Variants in KIF6 observed in about 807,000 individuals in gnomAD.
KIF6 encodes kinesin-like protein KIF6.
In KIF6, 106 loss-of-function variants were observed where a neutral mutation model predicts 112.7. The ratio of observed to expected loss-of-function variants is 0.94; its 90% CI spans 0.80 to 1.11. The LOEUF (loss-of-function observed/expected upper bound fraction) is 1.11. Among genes scored for constraint, KIF6 ranks in the 50% least tolerant of loss-of-function variants. KIF6 has a pLI of 0.00. For synonymous variants in KIF6, 339 were observed against 339.9 expected, an observed-to-expected ratio of 1.00 and a Z score of 0.03; for missense variants, 929 against 964.0, an observed-to-expected ratio of 0.96 and a Z score of 0.48.
chr6:39,425,411 A>G (rs527415879), intron 14 of KIF6, among the ~76,000 whole-genome samples: 6 of 152,054 alleles, frequency 3.9e-5, no homozygotes, highest in African/African-American at 1.4e-4. Context: ...CCTCCACTTT[A>G]TTGTAATAAA....
intron 16 of KIF6, among the ~76,000 whole-genome samples, chr6:39,376,049 G>A (rs1023953458): frequency 1.2e-4 from 18 of 152,162 alleles, no homozygotes; most frequent in Admixed American, 3.9e-4. Flanking sequence ...ATGGAAATTC[G>A]GCTAAGGACC....
At chr6:39,396,330 T>G (rs553315416) in intron 15 of KIF6, among the ~76,000 whole-genome samples, 16 of 152,352 alleles carry the variant, frequency 1.1e-4, no homozygotes, top group Middle Eastern at 6.8e-3. Context: ...GTGCTCTGTC[T>G]CTGCACTCAC....
intron 16 of KIF6, among the ~76,000 whole-genome samples, chr6:39,370,592 C>T (rs571641611): frequency 6.6e-6 from 1 of 152,132 alleles, no homozygotes; most frequent in African/African-American, 2.4e-5. Context: ...AGTGAAATGG[C>T]GAGAGCTGGC....
intron 15 of KIF6, 75 bp downstream of exon 15, chr6:39,419,873 T>C: frequency 7.8e-7 from 1 of 1,279,874 alleles, no homozygotes; most frequent in Non-Finnish European, 1.1e-6. Flanking sequence ...CATGGCCATT[T>C]GGAGGCACAT....
chr6:39,661,237 T>C, intron 3 of KIF6, among the ~76,000 whole-genome samples: 1 of 152,208 alleles, frequency 6.6e-6, no homozygotes, highest in Non-Finnish European at 1.5e-5. Flanking sequence ...TTAGGCTCAA[T>C]TCTTCACCAA....
chr6:39,588,577 C>T lies in KIF6; in HGVS notation c.847-2173G>A, dbSNP rs183938101. 2.6e-5 allele frequency among the ~76,000 whole-genome samples: 4 copies of T among 152,214 alleles called. No homozygotes were observed. In the East Asian group the frequency reaches 7.7e-4, roughly 29 times the overall value. Reference sequence around the variant, plus strand: ...TCCCAATTTATACCATCAATCTCAACCTCTTCCCTGTGCTACTATCATCTT... The same window carrying T: ...TCCCAATTTATACCATCAATCTCAATCTCTTCCCTGTGCTACTATCATCTT... On this transcript the variant is annotated intron_variant, in intron 7 of 22. Coordinates refer to ENST00000287152, the MANE Select transcript of KIF6 (RefSeq NM_145027.6).
rs556276503 is a variant in KIF6, at chr6:39,427,586, T to TA, written c.1754+3466dup. Among the ~76,000 whole-genome samples the TA allele has an allele frequency of 1.6e-4, 25 of 152,250 alleles. 1 individual carries two copies. The South Asian group carries it at 5.2e-3, about 32-fold the overall frequency. ...AACATTAGTCAGATATAGAAATTTTTAAAAAAATATGGGCTGGTCTCCTGA... is the reference window on the plus strand; with the variant it reads ...AACATTAGTCAGATATAGAAATTTTTAAAAAAAATATGGGCTGGTCTCCTGA... On this transcript the variant is annotated intron_variant, in intron 14 of 22. Transcript: ENST00000287152.
At chr6:39,402,635 G>A (rs1768792088) in intron 15 of KIF6, among the ~76,000 whole-genome samples, 1 of 152,150 alleles carries the variant, frequency 6.6e-6, no homozygotes, top group African/African-American at 2.4e-5. Context: ...CTTATTTGTA[G>A]TGACCTATTA....
At chr6:39,561,110 A>G (rs1478938852) in intron 10 of KIF6, among the ~76,000 whole-genome samples, 1 of 152,246 alleles carries the variant, frequency 6.6e-6, no homozygotes, top group Admixed American at 6.5e-5. Flanking sequence ...AAGCATGGCC[A>G]GTATGAGTGC....
intron 15 of KIF6, among the ~76,000 whole-genome samples, chr6:39,412,862 G>A (rs1301027426): frequency 1.3e-5 from 2 of 151,946 alleles, no homozygotes; most frequent in East Asian, 1.9e-4. Flanking sequence ...TCTTAGGGGG[G>A]GCTTATCGTG....
intron 5 of KIF6, among the ~76,000 whole-genome samples, chr6:39,625,192 T>G (rs1043913210): frequency 2.6e-5 from 4 of 152,132 alleles, no homozygotes; most frequent in African/African-American, 9.7e-5. Flanking sequence ...AAGCTACCCA[T>G]TCTATGGTAT....
At chr6:39,401,418 A>C (rs7773765) in intron 15 of KIF6, among the ~76,000 whole-genome samples, 4,106 of 152,258 alleles carry the variant, frequency 0.027, 171 homozygotes, top group African/African-American at 0.089. Flanking sequence ...GTAACAGACA[A>C]GGGAAGTGAG....
At chr6:39,686,690 A>C (rs1253313307) in intron 3 of KIF6, among the ~76,000 whole-genome samples, 1 of 152,216 alleles carries the variant, frequency 6.6e-6, no homozygotes, top group African/African-American at 2.4e-5. Flanking sequence ...ACTGTGAACA[A>C]ATCTGTCAAA....
chr6:39,474,828 T>C (rs1309906099), intron 13 of KIF6, among the ~76,000 whole-genome samples: 2 of 152,266 alleles, frequency 1.3e-5, no homozygotes, highest in Non-Finnish European at 2.9e-5. Flanking sequence ...TAATTTGCAG[T>C]TGAACTGCCT....
At position 39,343,047 on chromosome 6, in the gene KIF6, C is replaced by T; in HGVS notation, c.2428+662G>A. The T allele has an allele frequency of 1.0e-6, 1 of 985,374 alleles. No individual in the cohort carries two copies. The highest frequency in any genetic ancestry group is 1.2e-6 in the Non-Finnish European group (1 of 829,924). The allele number at this position is 985,374 out of a possible 1,614,324, so 61.0% of individuals were successfully genotyped here. A position where few individuals can be genotyped will look rare whatever the true frequency, so the allele number is the denominator to read the frequency against. The stretch of plus-strand genomic sequence containing the variant: ...AAATGCAGGCCTGGGGTAAGGGGCC[C>T]TGGGGCTTGCCCTGTGGGTGTGTTG... On this transcript the variant is annotated intron_variant, in intron 22 of 22. Coordinates refer to ENST00000287152, the MANE Select transcript of KIF6 (RefSeq NM_145027.6). The surrounding 1 kb of genome is among the most constrained non-coding windows in gnomAD (Gnocchi z 4.1).
chr6:39,539,546 T>C (rs1778660792), intron 13 of KIF6, among the ~76,000 whole-genome samples: 2 of 152,150 alleles, frequency 1.3e-5, no homozygotes, highest in Non-Finnish European at 2.9e-5. Flanking sequence ...GGTTTCACCA[T>C]ATTGGCCAGG....
chr6:39,448,791 A>G (rs908173311), intron 13 of KIF6, among the ~76,000 whole-genome samples: 2 of 152,200 alleles, frequency 1.3e-5, no homozygotes, highest in African/African-American at 4.8e-5. Flanking sequence ...TTGAGTGCCA[A>G]AGTGGGACAT....
chr6:39,662,841 C>T (rs1054717931), intron 3 of KIF6, among the ~76,000 whole-genome samples: 5 of 152,112 alleles, frequency 3.3e-5, no homozygotes, highest in African/African-American at 9.7e-5. Context: ...GTCAAAAATA[C>T]GCGTCCACAT....
At chr6:39,637,025 C>CT (rs557036146) in intron 4 of KIF6, among the ~76,000 whole-genome samples, 133 of 152,118 alleles carry the variant, frequency 8.7e-4, no homozygotes, top group African/African-American at 3.1e-3. Context: ...ATCATTGTTG[C>CT]TGCTGTTGCT....
Sources: allele counts gnomAD v4.1 joint callset (sites outside exome capture counted in the v4.1 genomes callset), GRCh38; gene constraint gnomAD v4.1.1; non-coding constraint Gnocchi (gnomAD v3.1); transcripts MANE v1.5; gene names NCBI Gene and HGNC (gene_info 2026-07-23, HGNC 2026-07-21).